The following NOTCH2 variants were observed in gnomAD, a reference collection of about 807,000 sequenced individuals.
The protein encoded by NOTCH2 is neurogenic locus notch homolog protein 2.
In NOTCH2, 29 loss-of-function variants were observed where a neutral mutation model predicts 235.8. The ratio of observed to expected loss-of-function variants is 0.12; its 90% CI spans 0.09 to 0.17. The LOEUF (loss-of-function observed/expected upper bound fraction) is 0.17. NOTCH2 is among the 10% of genes least tolerant of loss of function. The pLI, the probability that NOTCH2 is intolerant of heterozygous loss-of-function variation, is 1.00. For missense variants in NOTCH2, 2,285 were observed against 3,150.2 expected, an observed-to-expected ratio of 0.73 and a Z score of 6.57; for synonymous variants, 1,086 against 1,141.5, an observed-to-expected ratio of 0.95 and a Z score of 0.98.
rs1301925463 is a variant in NOTCH2 at position 119,929,283 on chromosome 1, C to G, written c.3656-71G>C. ...CTGCTTTCCAGCAAGGGATAACCAC[C>G]CTTGTTGGCATTTTCACAATGAATC... On this transcript the variant is annotated intron_variant, in intron 22 of 33. Coordinates refer to ENST00000256646, the MANE Select transcript of NOTCH2 (RefSeq NM_024408.4). The G allele has an allele frequency of 3.2e-6, 4 of 1,262,200 alleles. No individual in the cohort carries two copies. In the African/African-American group the frequency reaches 5.9e-5, roughly 19 times the overall value. 78.2% of individuals were successfully genotyped at this position (1,262,200 alleles called of 1,614,324 possible).
At chr1:120,010,032 T>A (rs587774036) in intron 2 of NOTCH2, among the ~76,000 whole-genome samples, 1 of 152,378 alleles carries the variant, frequency 6.6e-6, no homozygotes, top group East Asian at 1.9e-4. Context: ...ACTAAACATT[T>A]GTAAGAGGAG....
intron 1 of NOTCH2, among the ~76,000 whole-genome samples, chr1:120,042,646 TCTC>T (rs1229657538): frequency 1.4e-5 from 2 of 139,012 alleles, no homozygotes; most frequent in African/African-American, 6.7e-5. Flanking sequence ...AAGTAATATT[TCTC>T]CTCCTCCCCA....
At position 119,921,819 on chromosome 1, in the gene NOTCH2, T is replaced by G; in HGVS notation, c.5214-10A>C. ...TTGCACTGAGAGATTTCTAATATGA[T>G]TATAAAAAGAAAAAATAAGAATGGC... On this transcript the variant is annotated splice_polypyrimidine_tract_variant and intron_variant, in intron 28 of 33. Transcript: ENST00000256646. 6.2e-7 allele frequency: 1 copy of G among 1,603,832 alleles called. No individual in the cohort carries two copies. Among genetic ancestry groups the G allele is most frequent in the Non-Finnish European group, 8.5e-7 (1 of 1,170,652 alleles).
At chr1:120,037,125 C>T (rs587740821) in intron 1 of NOTCH2, among the ~76,000 whole-genome samples, 1 of 152,190 alleles carries the variant, frequency 6.6e-6, no homozygotes, top group African/African-American at 2.4e-5. Flanking sequence ...TTTTTCATAT[C>T]CTTCTCCCTA....
intron 29 of NOTCH2, 117 bp from the exon 30 acceptor site, chr1:119,920,514 C>T: frequency 2.7e-6 from 3 of 1,117,316 alleles, no homozygotes; most frequent in Non-Finnish European, 4.0e-6. Flanking sequence ...TCTCTTCCTA[C>T]TCCTCCACCC....
chr1:119,970,307 TA>T, intron 5 of NOTCH2, among the ~76,000 whole-genome samples: 1 of 152,214 alleles, frequency 6.6e-6, no homozygotes, highest in South Asian at 2.1e-4. Context: ...TATCTGAAAA[TA>T]AAAAGTCTAA....
rs1020962206 is a variant in NOTCH2, at chr1:119,913,017, G to A, written c.*2289C>T. The A allele has an allele frequency of 1.3e-5, 3 of 233,424 alleles. No homozygotes were observed. Among genetic ancestry groups the A allele is most frequent in the Admixed American group, 5.6e-5 (1 of 17,784 alleles). The allele number at this position is 233,424 out of a possible 1,614,324, so 14.5% of individuals were successfully genotyped here. ...ATATCCAGTGGCTGGATCAGTAGCT[G>A]ATACTTTCAGAAGTGGGGCTGGAGC... On this transcript the variant is annotated 3_prime_UTR_variant, in exon 34 of 34. Coordinates refer to ENST00000256646, the MANE Select transcript of NOTCH2 (RefSeq NM_024408.4).
intron 12 of NOTCH2, among the ~76,000 whole-genome samples, chr1:119,955,777 AT>A (rs1378934579): frequency 5.9e-5 from 9 of 151,896 alleles, no homozygotes; most frequent in African/African-American, 1.7e-4. Context: ...CTATTAATCC[AT>A]TTTTTTTGAC....
intron 2 of NOTCH2, among the ~76,000 whole-genome samples, chr1:120,027,774 G>T (rs2101321444): frequency 6.6e-6 from 1 of 151,112 alleles, no homozygotes; most frequent in South Asian, 2.1e-4. Context: ...ATGGCTTCCA[G>T]CTTCATCCAT....
chr1:119,937,896 C>T lies in NOTCH2; in HGVS notation c.3298G>A (p.Val1100Met), dbSNP rs782536553. ...GCTATGTCACAAGAGACATTGGGCA[C>T]GTCACAATAGGCACCAGCCCATCCA... ...PSGWAGAYCD[V>M]PNVSCDIAAS... Residue 1100 changes from valine to methionine, a missense_variant, in exon 20 of 34, where the codon GTG becomes ATG. Physicochemically the swap from Val to Met is conservative, Grantham distance 21. Coordinates refer to ENST00000256646, the MANE Select transcript of NOTCH2 (RefSeq NM_024408.4). 51 of 1,614,096 alleles carry T rather than the reference C, an allele frequency of 3.2e-5. No individual in the cohort carries two copies. The highest frequency in any genetic ancestry group is 3.9e-5 in the Non-Finnish European group (46 of 1,180,050).
rs1557826779 is a variant in NOTCH2, at chr1:119,969,654, T to C, written c.965A>G (p.Tyr322Cys). Reference protein sequence around the residue: ...GGTCANRNGGYGCVCVNGWSG... With the variant: ...GGTCANRNGGCGCVCVNGWSG... ...CCAGCCGTTGACACATACACAGCCATAGCCTCCATTGCGGTTGGCACAGGT... is the reference window on the plus strand; with the variant it reads ...CCAGCCGTTGACACATACACAGCCACAGCCTCCATTGCGGTTGGCACAGGT... The change falls in exon 6 of 34, where the codon TAT becomes TGT. Residue 322 changes from tyrosine (Y) to cysteine (C), a missense_variant. Tyr to Cys is a radical substitution (Grantham distance 194, BLOSUM62 -2). Transcript: ENST00000256646. 1 of 1,614,118 alleles carries C rather than the reference T, an allele frequency of 6.2e-7. No individual in the cohort carries two copies. The highest frequency in any genetic ancestry group is 8.5e-7 in the Non-Finnish European group (1 of 1,179,988).
At chr1:119,930,074 T>C (rs1201374867) in intron 22 of NOTCH2, among the ~76,000 whole-genome samples, 6 of 152,210 alleles carry the variant, frequency 3.9e-5, no homozygotes, top group Admixed American at 2.0e-4. Context: ...AGCCATACTC[T>C]CTCTGTTTGT....
intron 4 of NOTCH2, chr1:119,994,096 AAAT>A (rs1203068044): frequency 2.1e-5 from 1 of 47,004 alleles, no homozygotes; most frequent in Non-Finnish European, 4.3e-5. Flanking sequence ...TTTAGAACTG[AAAT>A]AATAATTCTC....
intron 5 of NOTCH2, among the ~76,000 whole-genome samples, chr1:119,971,404 T>A (rs1315863724): frequency 6.6e-6 from 1 of 152,216 alleles, no homozygotes; most frequent in Non-Finnish European, 1.5e-5. Flanking sequence ...TGACCCAAGA[T>A]GGGCATCTGA....
intron 10 of NOTCH2, 55 bp downstream of exon 10, chr1:119,965,398 C>A: frequency 7.7e-7 from 1 of 1,303,702 alleles, no homozygotes; most frequent in Non-Finnish European, 1.1e-6. Context: ...GGGACAATCA[C>A]CCTATTTTGT....
At chr1:119,938,938 C>T (rs1388516680) in intron 19 of NOTCH2, among the ~76,000 whole-genome samples, 1 of 152,140 alleles carries the variant, frequency 6.6e-6, no homozygotes, top group African/African-American at 2.4e-5. Context: ...CCTCGGCCTC[C>T]CAAAGTGCTG....
intron 22 of NOTCH2, among the ~76,000 whole-genome samples, chr1:119,932,699 C>T (rs1379745040): frequency 6.6e-6 from 1 of 151,484 alleles, no homozygotes; most frequent in African/African-American, 2.4e-5. Context: ...AAAATATCTC[C>T]AATTAAGTAA....
chr1:120,014,395 G>C (rs1274754583), intron 2 of NOTCH2, among the ~76,000 whole-genome samples: 5 of 152,116 alleles, frequency 3.3e-5, no homozygotes, highest in Non-Finnish European at 7.3e-5. Context: ...AACATGGTGA[G>C]AACCCCATCT....
intron 2 of NOTCH2, among the ~76,000 whole-genome samples, chr1:120,011,110 A>G (rs1192817339): frequency 6.6e-6 from 1 of 152,188 alleles, no homozygotes; most frequent in Non-Finnish European, 1.5e-5. Context: ...CAGGAGCTGT[A>G]AAGAAAGGGA....
Sources: allele counts gnomAD v4.1 joint callset (sites outside exome capture counted in the v4.1 genomes callset), GRCh38; gene constraint gnomAD v4.1.1; transcripts MANE v1.5; gene names NCBI Gene and HGNC (gene_info 2026-07-23, HGNC 2026-07-21).